Variants in ADAMTS20 observed in about 807,000 individuals in gnomAD.
ADAMTS20 encodes A disintegrin and metalloproteinase with thrombospondin motifs 20.
ADAMTS20 carries 225 observed loss-of-function variants against 260.1 expected under a neutral mutation model. The ratio of observed to expected loss-of-function variants is 0.87; its 90% CI spans 0.78 to 0.97. The LOEUF is 0.97. Ranked by LOEUF, ADAMTS20 falls within the 50% of genes least tolerant of loss-of-function variation. The pLI, the probability that ADAMTS20 is intolerant of heterozygous loss-of-function variation, is 0.00. For missense variants in ADAMTS20, 2,400 were observed against 2,337.7 expected, an observed-to-expected ratio of 1.03 and a Z score of -0.55; for synonymous variants, 802 against 769.5, an observed-to-expected ratio of 1.04 and a Z score of -0.70.
Position 43,383,668 on chromosome 12 carries a change from T to C in ADAMTS20, c.4687A>G (p.Ile1563Val), listed in dbSNP as rs1247561535. ...TAGACTATTTCATTCACTTGTCTGA[T>C]TTGGTTATCTGTGCACTCCATTCGT... is the stretch of plus-strand genomic sequence containing the variant. ...HQRMECTDNQ[I>V]RQVNEIVYNS... Residue 1563 changes from isoleucine (I) to valine (V), a missense_variant, in exon 31 of 39, where the codon ATC (isoleucine) becomes GTC (valine). Physicochemically the swap from Ile to Val is conservative, Grantham distance 29. Coordinates refer to ENST00000389420, the MANE Select transcript of ADAMTS20 (RefSeq NM_025003.5). 3 of 1,613,850 alleles carry C rather than the reference T, an allele frequency of 1.9e-6. No homozygotes were observed. The highest frequency in any genetic ancestry group is 2.7e-5 in the African/African-American group (2 of 74,944).
At chr12:43,477,088 T>C (rs953648716) in intron 7 of ADAMTS20, among the ~76,000 whole-genome samples, 3 of 151,602 alleles carry the variant, frequency 2.0e-5, no homozygotes, top group Admixed American at 2.0e-4. Flanking sequence ...TTAACTATCA[T>C]TATAATCATT....
Position 43,375,071 on chromosome 12 carries a change from C to G in ADAMTS20, c.5446+308G>C, listed in dbSNP as rs552163359. On this transcript the variant is annotated intron_variant, in intron 36 of 38. Coordinates refer to ENST00000389420, the MANE Select transcript of ADAMTS20 (RefSeq NM_025003.5). ...CCTGTAATCCCAGCTACTGGGGAGGCTGAGGCAGGAGAATCGCTTGAACCC... is the reference window on the plus strand; with the variant it reads ...CCTGTAATCCCAGCTACTGGGGAGGGTGAGGCAGGAGAATCGCTTGAACCC... Among the ~76,000 whole-genome samples, 13 of 149,238 alleles carry G rather than the reference C, an allele frequency of 8.7e-5. No homozygotes were observed. In the South Asian group the frequency reaches 2.8e-3, roughly 32 times the overall value.
intron 7 of ADAMTS20, among the ~76,000 whole-genome samples, chr12:43,479,623 A>C (rs961560340): frequency 1.3e-5 from 2 of 152,098 alleles, no homozygotes; most frequent in Non-Finnish European, 2.9e-5. Flanking sequence ...TATGATTTAC[A>C]TACATTTAGA....
At chr12:43,440,186 C>G in intron 16 of ADAMTS20, 117 bp from the exon 17 acceptor site, 1 of 755,200 alleles carries the variant, frequency 1.3e-6, no homozygotes, top group South Asian at 1.9e-5. Flanking sequence ...CTGTATCTCC[C>G]AGGCTGGAGT....
chr12:43,385,491 G>A (rs1333612985), intron 29 of ADAMTS20, among the ~76,000 whole-genome samples: 2 of 152,152 alleles, frequency 1.3e-5, no homozygotes, highest in African/African-American at 4.8e-5. Context: ...TGTTGCCATT[G>A]CTTTTGGTGT....
rs773547254 is a variant in ADAMTS20 at position 43,376,553 on chromosome 12, C to A, written c.5096G>T (p.Gly1699Val). 26 of 1,613,162 alleles carry A rather than the reference C, an allele frequency of 1.6e-5. No homozygotes were observed. Among genetic ancestry groups the A allele is most frequent in the Middle Eastern group, 3.4e-4 (2 of 5,922 alleles). Residue 1699 changes from glycine (G) to valine (V), a missense_variant, in exon 33 of 39, where the codon GGT becomes GTT. By Grantham distance (109) the Gly-to-Val change is moderately radical. Transcript: ENST00000389420. ...SDLCLNHLKP[G>V]AQKKCYANDC... ...ATTGGCATAACATTTCTTTTGAGCACCTGGTTTTAAATGGTTTAAACATAA... is the reference window on the plus strand; with the variant it reads ...ATTGGCATAACATTTCTTTTGAGCAACTGGTTTTAAATGGTTTAAACATAA...
chr12:43,466,734 CATG>C lies in ADAMTS20; in HGVS notation c.1282_1284del (p.His428del). The C allele has an allele frequency of 1.9e-6, 3 of 1,610,796 alleles. No individual in the cohort carries two copies. Among genetic ancestry groups the C allele is most frequent in the Non-Finnish European group, 2.5e-6 (3 of 1,177,580 alleles). On this transcript the variant is annotated inframe_deletion, in exon 9 of 39. Transcript: ENST00000389420. The stretch of plus-strand genomic sequence containing the variant: ...TGAAAACTTAAAGCAGGGGCCATTA[CATG>C]ATACTTTGTAACTTTCATTTCTTTA...
chr12:43,534,459 C>T (rs1038262063), intron 2 of ADAMTS20, among the ~76,000 whole-genome samples: 5 of 152,110 alleles, frequency 3.3e-5, no homozygotes, highest in Non-Finnish European at 2.9e-5. Context: ...CAGCAATTCC[C>T]CTTCTGAGAA....
chr12:43,518,280 A>G (rs1215053954), intron 3 of ADAMTS20, among the ~76,000 whole-genome samples: 6 of 152,138 alleles, frequency 3.9e-5, no homozygotes, highest in Admixed American at 3.9e-4. Flanking sequence ...TAAGGTCACC[A>G]ATCACCTACT....
At chr12:43,409,615 A>C (rs1465098385) in intron 28 of ADAMTS20, among the ~76,000 whole-genome samples, 1 of 147,034 alleles carries the variant, frequency 6.8e-6, no homozygotes, top group Non-Finnish European at 1.5e-5. Context: ...AAAAAAAAAA[A>C]AAAAAAAAAA....
At chr12:43,434,128 G>A (rs542836743) in intron 19 of ADAMTS20, 117 bp downstream of exon 19, 738 of 1,124,546 alleles carry the variant, frequency 6.6e-4, no homozygotes, top group Non-Finnish European at 8.6e-4. Context: ...ATTTTTTCAT[G>A]GCATGGCAGA....
At position 43,432,684 on chromosome 12, in the gene ADAMTS20, C is replaced by G. The variant is rs773054357; in HGVS notation, c.2848G>C (p.Gly950Arg). 9.9e-6 allele frequency: 16 copies of G among 1,613,724 alleles called. No individual in the cohort carries two copies. The Admixed American group carries it at 1.5e-4, about 15-fold the overall frequency. The change falls in exon 20 of 39, where the codon GGT becomes CGT. Residue 950 changes from glycine to arginine, a missense_variant. Coordinates refer to ENST00000389420, the MANE Select transcript of ADAMTS20 (RefSeq NM_025003.5). ...QTVQVDDHYCGDQLKPPTQEL... is the reference protein window; with the variant it reads ...QTVQVDDHYCRDQLKPPTQEL... ...TGGGTAGGAGGTTTAAGCTGGTCAC[C>G]ACAGTAGTGGTCATCAACTTGAACA...
At chr12:43,488,078 GT>G (rs1454164560) in intron 7 of ADAMTS20, among the ~76,000 whole-genome samples, 2 of 151,952 alleles carry the variant, frequency 1.3e-5, no homozygotes, top group African/African-American at 4.8e-5. Context: ...TAGAAGAAGA[GT>G]TTTTTTGTTT....
chr12:43,408,873 G>C (rs1940969485), intron 28 of ADAMTS20, among the ~76,000 whole-genome samples: 2 of 152,172 alleles, frequency 1.3e-5, no homozygotes, highest in Non-Finnish European at 2.9e-5. Context: ...TTTGGTGTCA[G>C]AGGCCTACAA....
chr12:43,519,059 T>G (rs1293489837), intron 3 of ADAMTS20, among the ~76,000 whole-genome samples: 1 of 152,062 alleles, frequency 6.6e-6, no homozygotes, highest in Admixed American at 6.6e-5. Flanking sequence ...TCCCACATAA[T>G]CTGAGTGATC....
At chr12:43,357,633 A>C (rs960439011) in intron 37 of ADAMTS20, among the ~76,000 whole-genome samples, 10 of 152,166 alleles carry the variant, frequency 6.6e-5, no homozygotes, top group Non-Finnish European at 1.3e-4. Context: ...TTGCAGAAAT[A>C]ATTAGTTTTA....
chr12:43,504,143 T>TGAGGAATTG lies in ADAMTS20; in HGVS notation c.614-1739_614-1738insCAATTCCTC, dbSNP rs564746315. Among the ~76,000 whole-genome samples, 254 of 152,336 alleles carry TGAGGAATTG rather than the reference T, an allele frequency of 1.7e-3. 1 individual carries two copies. Among genetic ancestry groups the TGAGGAATTG allele is most frequent in the African/African-American group, 5.8e-3 (240 of 41,588 alleles). On this transcript the variant is annotated intron_variant, in intron 3 of 38. Coordinates refer to ENST00000389420, the MANE Select transcript of ADAMTS20 (RefSeq NM_025003.5). ...TCTTTGAGGAATTGCCACACTGCTT[T>TGAGGAATTG]CCACAGTGGCTGAGCTAATTTACAC...
chr12:43,436,117 A>C (rs931552780), intron 18 of ADAMTS20, among the ~76,000 whole-genome samples: 1 of 152,228 alleles, frequency 6.6e-6, no homozygotes, highest in Non-Finnish European at 1.5e-5. Flanking sequence ...AAGGAAATGA[A>C]ATTTTGAATA....
At chr12:43,537,396 A>T (rs1041559342) in intron 2 of ADAMTS20, among the ~76,000 whole-genome samples, 8 of 152,072 alleles carry the variant, frequency 5.3e-5, no homozygotes, top group African/African-American at 1.9e-4. Flanking sequence ...TAGTAGGTGT[A>T]TATATTTATG....
Sources: allele counts gnomAD v4.1 joint callset (sites outside exome capture counted in the v4.1 genomes callset), GRCh38; gene constraint gnomAD v4.1.1; transcripts MANE v1.5; gene names NCBI Gene and HGNC (gene_info 2026-07-23, HGNC 2026-07-21).